The following UACA variants were observed in gnomAD, a reference collection of about 807,000 sequenced individuals.
UACA encodes uveal autoantigen with coiled-coil domains and ankyrin repeats.
Under a neutral mutation model 160.5 loss-of-function variants are expected in UACA, and 112 were observed. That is an observed-to-expected ratio of 0.70 (90% confidence interval 0.60 to 0.82). UACA has a LOEUF of 0.82. Ranked by LOEUF, UACA falls within the 40% of genes least tolerant of loss-of-function variation. UACA has a pLI of 0.00. For synonymous variants in UACA, 557 were observed against 568.4 expected (o/e 0.98, Z 0.29); for missense variants, 1,574 against 1,614.6 (o/e 0.97, Z 0.43).
intron 8 of UACA, among the ~76,000 whole-genome samples, chr15:70,683,815 GCT>G (rs1266946329): frequency 6.6e-6 from 1 of 151,804 alleles, no homozygotes; most frequent in Non-Finnish European, 1.5e-5. Context: ...TATTCATTGT[GCT>G]TTTCTGTATG....
At chr15:70,746,378 GA>G (rs540120909) in intron 1 of UACA, among the ~76,000 whole-genome samples, 3 of 151,688 alleles carry the variant, frequency 2.0e-5, no homozygotes, top group South Asian at 4.2e-4. Flanking sequence ...ACAAACATCT[GA>G]AAAAAAAGCT....
upstream of UACA, among the ~76,000 whole-genome samples, chr15:70,767,076 TA>T (rs1361740188): frequency 2.7e-5 from 4 of 150,484 alleles, no homozygotes; most frequent in African/African-American, 9.8e-5. Context: ...CCGTCTCCAC[TA>T]AAAATACAAA....
At chr15:70,706,762 C>T (rs1411688551) in intron 1 of UACA, among the ~76,000 whole-genome samples, 1 of 152,024 alleles carries the variant, frequency 6.6e-6, no homozygotes, top group Non-Finnish European at 1.5e-5. Flanking sequence ...AAAATTTGTA[C>T]ACTAAAAATG....
At chr15:70,696,108 GGT>G (rs1293302874) in intron 2 of UACA, among the ~76,000 whole-genome samples, 3 of 152,138 alleles carry the variant, frequency 2.0e-5, no homozygotes, top group Admixed American at 1.3e-4. Flanking sequence ...GTGCTCAGCA[GGT>G]GCCAGGATAC....
At chr15:70,715,872 A>G (rs1245285068) in intron 1 of UACA, among the ~76,000 whole-genome samples, 1 of 152,256 alleles carries the variant, frequency 6.6e-6, no homozygotes, top group East Asian at 1.9e-4. Context: ...TGTTGTATAT[A>G]CACAATTCTT....
chr15:70,672,635 C>T (rs1897175351), intron 13 of UACA, among the ~76,000 whole-genome samples: 1 of 152,108 alleles, frequency 6.6e-6, no homozygotes, highest in African/African-American at 2.4e-5. Flanking sequence ...TACAAAGAAT[C>T]TAATATATAA....
rs776427691 is a variant in UACA at position 70,668,738 on chromosome 15, T to A, written c.1946A>T (p.Lys649Ile). 1.2e-6 allele frequency: 2 copies of A among 1,613,748 alleles called. No individual in the cohort carries two copies. The highest frequency in any genetic ancestry group is 1.7e-5 in the Admixed American group (1 of 59,888). The change falls in exon 16 of 19, where the codon AAA (lysine) becomes ATA (isoleucine). Residue 649 changes from lysine (K) to isoleucine (I), a missense_variant. Coordinates refer to ENST00000322954, the MANE Select transcript of UACA (RefSeq NM_018003.4). ...ATGTTCTCTTTCCATTTCTACTAAT[T>A]TTTTTGCTTTCTCATTCACTTCATT... ...LSNEVNEKAK[K>I]LVEMEREHEK... is the part of the protein sequence containing the mutation.
intron 1 of UACA, chr15:70,703,191 G>T (rs772094572): frequency 1.6e-5 from 20 of 1,288,060 alleles, no homozygotes; most frequent in Non-Finnish European, 2.0e-5. Flanking sequence ...TGTTGTTGTT[G>T]TTTTTTAACC....
intron 15 of UACA, among the ~76,000 whole-genome samples, chr15:70,670,741 A>C (rs1490681998): frequency 6.6e-6 from 1 of 152,188 alleles, no homozygotes; most frequent in East Asian, 1.9e-4. Flanking sequence ...TATATGGGCA[A>C]ATATGAAGAG....
chr15:70,714,709 C>T (rs1261472940), intron 1 of UACA, among the ~76,000 whole-genome samples: 1 of 152,074 alleles, frequency 6.6e-6, no homozygotes, highest in Non-Finnish European at 1.5e-5. Flanking sequence ...GACTCAGAAA[C>T]CACTGCTTTG....
intron 6 of UACA, 51 bp downstream of exon 6, chr15:70,687,699 T>A: frequency 1.2e-6 from 2 of 1,613,046 alleles, no homozygotes; most frequent in Non-Finnish European, 1.7e-6. Context: ...TCCCAAAATG[T>A]AGAAGTTAGA....
intron 9 of UACA, 54 bp from the exon 10 acceptor site, chr15:70,679,730 T>G (rs541945553): frequency 8.3e-7 from 1 of 1,211,942 alleles, no homozygotes; most frequent in Admixed American, 2.0e-5. Flanking sequence ...TACAGAAAAG[T>G]ATATTTTCCT....
intron 18 of UACA, among the ~76,000 whole-genome samples, chr15:70,659,405 T>TTTTTTTTTTTTTTTTTTG (rs1896613553): frequency 8.1e-6 from 1 of 122,840 alleles, no homozygotes; most frequent in Non-Finnish European, 1.7e-5. Context: ...GTTTTTTTTT[T>TTTTTTTTTTTTTTTTTTG]TTTTTTTTTT....
chr15:70,678,371 A>AT (rs1897363914), intron 10 of UACA, among the ~76,000 whole-genome samples, 165 bp from the exon 11 acceptor site: 1 of 152,200 alleles, frequency 6.6e-6, no homozygotes, highest in Admixed American at 6.5e-5. Flanking sequence ...TTTAAAATCT[A>AT]CAGATCATAA....
chr15:70,774,318 G>A, the UACA span, among the ~76,000 whole-genome samples: 22,634 of 151,794 alleles, frequency 0.15, 2,240 homozygotes, highest in African/African-American at 0.28. Flanking sequence ...AGGCCGAGGC[G>A]GGCAGATCAC....
At chr15:70,752,129 T>G (rs978978646) in intron 1 of UACA, among the ~76,000 whole-genome samples, 7 of 150,970 alleles carry the variant, frequency 4.6e-5, no homozygotes, top group South Asian at 2.1e-4. Context: ...TCCCAGCTAC[T>G]CGGGAGGCTG....
chr15:70,766,547 A>G (rs142072995), upstream of UACA, among the ~76,000 whole-genome samples: 191 of 152,210 alleles, frequency 1.3e-3, no homozygotes, highest in African/African-American at 4.3e-3. Flanking sequence ...GGTAATCTCA[A>G]ATAATACAAA....
chr15:70,670,962 G>A (rs142858000), intron 15 of UACA, 77 bp downstream of exon 15: 15 of 835,136 alleles, frequency 1.8e-5, no homozygotes, highest in African/African-American at 5.2e-5. Context: ...GTACAATGCC[G>A]CTTTCTCCTC....
At chr15:70,759,334 G>A (rs1175184008) in intron 1 of UACA, among the ~76,000 whole-genome samples, 2 of 152,148 alleles carry the variant, frequency 1.3e-5, no homozygotes, top group Non-Finnish European at 2.9e-5. Context: ...TTAGAAATCC[G>A]AAGCTCCAAC....
Sources: gnomAD v4.1 joint callset for allele counts (sites outside exome capture counted in the v4.1 genomes callset) on GRCh38, gnomAD v4.1.1 for gene constraint, MANE v1.5 for transcripts, NCBI Gene and HGNC (gene_info 2026-07-23, HGNC 2026-07-21) for gene names.